Variants in MTA3 observed in about 807,000 individuals in gnomAD.
MTA3 encodes the protein metastasis-associated protein MTA3.
Under a neutral mutation model 83.5 loss-of-function variants are expected in MTA3, and 34 were observed. That is an observed-to-expected ratio of 0.41 (90% CI 0.31 to 0.54). The LOEUF is 0.54. MTA3 is among the 20% of genes least tolerant of loss of function. The pLI, the probability that MTA3 is intolerant of heterozygous loss-of-function variation, is 0.33. For missense variants in MTA3, 761 were observed against 726.4 expected, an observed-to-expected ratio of 1.05 and a Z score of -0.55; for synonymous variants, 303 against 252.7, an observed-to-expected ratio of 1.20 and a Z score of -1.89.
At chr2:42,582,645 C>A (rs1433120269) in intron 3 of MTA3, among the ~76,000 whole-genome samples, 1 of 152,006 alleles carries the variant, frequency 6.6e-6, no homozygotes, top group Non-Finnish European at 1.5e-5. Context: ...ATTATTGCTG[C>A]AAAAATAGTG....
chr2:42,515,522 A>G (rs1329533931), intron 2 of MTA3, among the ~76,000 whole-genome samples: 1 of 151,472 alleles, frequency 6.6e-6, no homozygotes, highest in African/African-American at 2.4e-5. Flanking sequence ...TATTTTTTTG[A>G]GATGGATTCT....
intron 2 of MTA3, among the ~76,000 whole-genome samples, chr2:42,526,536 G>A (rs1456895278): frequency 3.9e-5 from 6 of 152,136 alleles, no homozygotes; most frequent in African/African-American, 1.2e-4. Context: ...AACATCCACC[G>A]TCATCTCTGG....
chr2:42,709,180 G>C (rs1351735101), intron 14 of MTA3, 84 bp downstream of exon 14: 1 of 1,479,118 alleles, frequency 6.8e-7, no homozygotes, highest in Admixed American at 2.6e-5. Context: ...TTTTTTGTTT[G>C]TTTGTTTGCA....
intron 2 of MTA3, among the ~76,000 whole-genome samples, chr2:42,521,124 G>C (rs1169452811): frequency 6.6e-6 from 1 of 152,182 alleles, no homozygotes; most frequent in Non-Finnish European, 1.5e-5. Flanking sequence ...CAGCAAAAGG[G>C]ATGGGATGTC....
chr2:42,736,837 G>T (rs1668646098), intron 16 of MTA3, among the ~76,000 whole-genome samples: 1 of 152,176 alleles, frequency 6.6e-6, no homozygotes, highest in African/African-American at 2.4e-5. Context: ...TTAGTCAGCA[G>T]CTGGTGAATC....
intron 16 of MTA3, chr2:42,752,147 C>G: frequency 2.1e-6 from 1 of 470,440 alleles, no homozygotes; most frequent in Non-Finnish European, 4.4e-6. Flanking sequence ...GATTCCTAAA[C>G]TGAATTTATC....
intron 3 of MTA3, among the ~76,000 whole-genome samples, chr2:42,584,870 GA>G (rs1680080221): frequency 6.6e-6 from 1 of 151,754 alleles, no homozygotes; most frequent in Non-Finnish European, 1.5e-5. Flanking sequence ...GACAAAGGGA[GA>G]CCCTTTCTCT....
Position 42,697,757 on chromosome 2 carries a change from TA to T in MTA3, c.967-18del, listed in dbSNP as rs1693516076. On this transcript the variant is annotated intron_variant, in intron 10 of 16. Coordinates refer to ENST00000405094, the MANE Select transcript of MTA3 (RefSeq NM_001330442.2). ...ATTAGGCATTGCATGTAAAATGTTT[TA>T]TTCATCTTTTGAATTAGAAACGTCT... The T allele has an allele frequency of 1.3e-6, 2 of 1,513,452 alleles. No individual in the cohort carries two copies. 93.8% of individuals were successfully genotyped at this position (1,513,452 alleles called of 1,614,324 possible).
intron 16 of MTA3, among the ~76,000 whole-genome samples, chr2:42,743,242 T>C (rs1444622536): frequency 6.6e-6 from 1 of 152,228 alleles, no homozygotes; most frequent in Non-Finnish European, 1.5e-5. Context: ...CTTTGTTCAG[T>C]CTGCAGATCT....
chr2:42,659,934 A>G (rs1689515620), intron 8 of MTA3, 72 bp downstream of exon 8: 2 of 1,225,152 alleles, frequency 1.6e-6, no homozygotes, highest in Non-Finnish European at 2.2e-6. Flanking sequence ...CCATTGTGGC[A>G]ATACTGTAGA....
At chr2:42,748,004 A>G (rs766141822) in intron 16 of MTA3, among the ~76,000 whole-genome samples, 17 of 151,538 alleles carry the variant, frequency 1.1e-4, no homozygotes, top group Non-Finnish European at 1.8e-4. Context: ...TTTTGCCACT[A>G]TAGATTCATT....
intron 7 of MTA3, chr2:42,659,553 G>A (rs1689475774): frequency 8.6e-6 from 2 of 232,124 alleles, no homozygotes; most frequent in Non-Finnish European, 1.6e-5. Context: ...TCATGATAAC[G>A]ACCTGTTTAT....
At chr2:42,583,627 C>G (rs1265806531) in intron 3 of MTA3, among the ~76,000 whole-genome samples, 1 of 152,024 alleles carries the variant, frequency 6.6e-6, no homozygotes, top group Non-Finnish European at 1.5e-5. Flanking sequence ...TTCCCTGGTT[C>G]AAGCAATTCT....
intron 3 of MTA3, among the ~76,000 whole-genome samples, chr2:42,595,612 T>G (rs1292912257): frequency 6.6e-6 from 1 of 152,190 alleles, no homozygotes. Context: ...TTTCCGTGAC[T>G]TCTTCTCCTA....
chr2:42,716,312 T>A (rs967514037), intron 14 of MTA3, among the ~76,000 whole-genome samples: 3 of 152,244 alleles, frequency 2.0e-5, no homozygotes, highest in African/African-American at 7.2e-5. Flanking sequence ...TTGTCTATTT[T>A]AATGTTTTTA....
Position 42,755,599 on chromosome 2 carries a change from G to C in MTA3, c.*2200G>C. ...ACTTCACGCTCTCCCTTTGTCTCTG[G>C]AAACTGCCCCCTCGTTCTGACAGAA... On this transcript the variant is annotated 3_prime_UTR_variant, in exon 17 of 17. Coordinates refer to ENST00000405094, the MANE Select transcript of MTA3 (RefSeq NM_001330442.2). The C allele has an allele frequency of 2.0e-6, 2 of 985,572 alleles. No homozygotes were observed. Among genetic ancestry groups the C allele is most frequent in the Non-Finnish European group, 2.4e-6 (2 of 830,042 alleles). 61.1% of individuals were successfully genotyped at this position (985,572 alleles called of 1,614,324 possible).
chr2:42,667,239 A>G (rs1558561791), intron 8 of MTA3, among the ~76,000 whole-genome samples: 1 of 152,092 alleles, frequency 6.6e-6, no homozygotes, highest in Admixed American at 6.6e-5. Context: ...TGTGTTATAT[A>G]TATTTTATTA....
chr2:42,607,582 G>A (rs533026127), intron 3 of MTA3, among the ~76,000 whole-genome samples: 3 of 152,160 alleles, frequency 2.0e-5, no homozygotes, highest in South Asian at 4.2e-4. Context: ...GGGCTCAAGC[G>A]ATCTGCTTGC....
intron 2 of MTA3, among the ~76,000 whole-genome samples, chr2:42,560,680 G>A (rs761224625): frequency 2.1e-4 from 32 of 151,938 alleles, no homozygotes; most frequent in Non-Finnish European, 2.4e-4. Context: ...TGAGGTGGGC[G>A]GATCACCTGA....
Sources: allele counts gnomAD v4.1 joint callset (sites outside exome capture counted in the v4.1 genomes callset), GRCh38; gene constraint gnomAD v4.1.1; transcripts MANE v1.5; gene names NCBI Gene and HGNC (gene_info 2026-07-23, HGNC 2026-07-21).